Variants in DNTT observed in about 807,000 individuals in gnomAD.
The protein encoded by DNTT is DNA nucleotidylexotransferase.
A neutral mutation model predicts 60.9 loss-of-function variants in DNTT; 47 were observed. The observed-to-expected ratio is 0.77, with a 90% CI of 0.61 to 0.98. The LOEUF is 0.98. Among genes scored for constraint, DNTT ranks in the 50% least tolerant of loss-of-function variants. The pLI is 0.00. For synonymous variants in DNTT, 224 were observed against 221.2 expected (o/e 1.01, Z -0.11); for missense variants, 665 against 627.5 (o/e 1.06, Z -0.64).
intron 1 of DNTT, among the ~76,000 whole-genome samples, chr10:96,316,619 C>T (rs529079453): frequency 6.4e-4 from 97 of 152,334 alleles, no homozygotes; most frequent in Non-Finnish European, 1.2e-3. Context: ...CCATTCTCCT[C>T]CCTGTCCTTC....
intron 1 of DNTT, among the ~76,000 whole-genome samples, chr10:96,314,481 C>T (rs1844761688): frequency 7.7e-6 from 1 of 129,248 alleles, no homozygotes; most frequent in South Asian, 2.7e-4. Context: ...GGCACAATCT[C>T]AACTCACTGC....
intron 2 of DNTT, 137 bp downstream of exon 2, chr10:96,318,663 C>A: frequency 1.0e-6 from 1 of 1,000,634 alleles, no homozygotes; most frequent in Non-Finnish European, 1.4e-6. Context: ...CTTAGCTTTA[C>A]TGAGCTTCAG....
chr10:96,336,289 C>T (rs1845068278), intron 10 of DNTT, among the ~76,000 whole-genome samples: 1 of 152,184 alleles, frequency 6.6e-6, no homozygotes, highest in Non-Finnish European at 1.5e-5. Context: ...CCAAAGTAAA[C>T]CAGGGATCCC....
intron 1 of DNTT, among the ~76,000 whole-genome samples, chr10:96,308,189 C>G (rs1316012806): frequency 6.6e-6 from 1 of 152,132 alleles, no homozygotes. Context: ...TTTACTTGGG[C>G]CTGAACACAC....
chr10:96,321,840 T>C (rs1334511794), intron 4 of DNTT, among the ~76,000 whole-genome samples: 4 of 152,144 alleles, frequency 2.6e-5, no homozygotes, highest in Admixed American at 2.0e-4. Context: ...AACATATAAA[T>C]AGATACAGAC....
At chr10:96,331,674 T>C (rs188512923) in intron 8 of DNTT, among the ~76,000 whole-genome samples, 21 of 152,320 alleles carry the variant, frequency 1.4e-4, no homozygotes, top group East Asian at 9.6e-4. Context: ...ACCTCCAACA[T>C]TGGGGATCAA....
At chr10:96,333,515 G>A (rs1435559502) in intron 9 of DNTT, among the ~76,000 whole-genome samples, 4 of 152,234 alleles carry the variant, frequency 2.6e-5, no homozygotes, top group African/African-American at 4.8e-5. Context: ...CTGCACTCCC[G>A]TGTTCATTGC....
At chr10:96,330,744 G>T (rs1468879415) in intron 8 of DNTT, among the ~76,000 whole-genome samples, 1 of 152,106 alleles carries the variant, frequency 6.6e-6, no homozygotes, top group African/African-American at 2.4e-5. Flanking sequence ...TCAAAGTGTG[G>T]TCCCTGGTCC....
intron 1 of DNTT, 39 bp downstream of exon 1, chr10:96,304,739 G>C (rs1368365252): frequency 1.9e-6 from 3 of 1,596,002 alleles, no homozygotes; most frequent in African/African-American, 1.3e-5. Context: ...ATAAGCAGAG[G>C]CTTTGTGAAC....
At chr10:96,329,595 T>A (rs1327916883) in intron 8 of DNTT, among the ~76,000 whole-genome samples, 1 of 152,084 alleles carries the variant, frequency 6.6e-6, no homozygotes, top group Non-Finnish European at 1.5e-5. Flanking sequence ...CTTACTGATA[T>A]CCCAGAAAAG....
chr10:96,315,307 G>A lies in DNTT; in HGVS notation c.204-3045G>A, dbSNP rs114530742. ...ATTACAATTAAAGTTTCTAAATGCT[G>A]ACTTACAATTTCTGAACTTACCTTG... On this transcript the variant is annotated intron_variant, in intron 1 of 10. Transcript: ENST00000371174. 3.6e-3 allele frequency among the ~76,000 whole-genome samples: 547 copies of A among 151,414 alleles called. 7 individuals are homozygous for A. The highest frequency in any genetic ancestry group is 0.013 in the African/African-American group (523 of 41,220).
rs560927751 is a variant in DNTT, at chr10:96,307,779, T to TATATA, written c.203+3079_203+3080insATATA. 5.0e-5 allele frequency among the ~76,000 whole-genome samples: 7 copies of TATATA among 139,822 alleles called. 1 individual carries two copies. Among genetic ancestry groups the TATATA allele is most frequent in the Admixed American group, 1.4e-4 (2 of 14,132 alleles). 91.7% of individuals were successfully genotyped at this position (139,822 alleles called of 152,430 possible). Reference sequence around the variant, plus strand: ...TGTGCATATATATATATATATATATTTTTTTTTTTTGAGGCAGGGTCTTGT... The same window carrying TATATA: ...TGTGCATATATATATATATATATATTATATATTTTTTTTTTGAGGCAGGGTCTTGT... On this transcript the variant is annotated intron_variant, in intron 1 of 10. Transcript: ENST00000371174.
chr10:96,308,862 C>T (rs182587604), intron 1 of DNTT, among the ~76,000 whole-genome samples: 7 of 152,228 alleles, frequency 4.6e-5, no homozygotes, highest in Admixed American at 3.9e-4. Flanking sequence ...AAAATACATT[C>T]GTTAGGGTGA....
intron 8 of DNTT, among the ~76,000 whole-genome samples, chr10:96,331,269 A>C (rs1845003322): frequency 6.6e-6 from 1 of 152,184 alleles, no homozygotes; most frequent in Non-Finnish European, 1.5e-5. Context: ...GGCTGGTTAA[A>C]CCTGGTCATC....
chr10:96,316,922 G>C (rs886305818), intron 1 of DNTT, among the ~76,000 whole-genome samples: 1 of 152,090 alleles, frequency 6.6e-6, no homozygotes, highest in African/African-American at 2.4e-5. Context: ...AAGGAATCTA[G>C]GGTTGTGCAT....
At chr10:96,315,240 T>C (rs1844773947) in intron 1 of DNTT, among the ~76,000 whole-genome samples, 1 of 152,152 alleles carries the variant, frequency 6.6e-6, no homozygotes, top group Non-Finnish European at 1.5e-5. Flanking sequence ...GCTTCTTTTT[T>C]TTTTTTTTTA....
At position 96,338,560 on chromosome 10, in the gene DNTT, A is replaced by G. The variant is rs761287937; in HGVS notation, c.*336A>G. The G allele has an allele frequency of 1.7e-5, 3 of 178,178 alleles. No individual in the cohort carries two copies. Among genetic ancestry groups the G allele is most frequent in the Non-Finnish European group, 3.5e-5 (3 of 84,530 alleles). The allele number at this position is 178,178 out of a possible 1,614,324, so 11.0% of individuals were successfully genotyped here. A position where few individuals can be genotyped will look rare whatever the true frequency, so the allele number is the denominator to read the frequency against. On this transcript the variant is annotated 3_prime_UTR_variant, in exon 11 of 11. Coordinates refer to ENST00000371174, the MANE Select transcript of DNTT (RefSeq NM_004088.4). ...TCTATCTCTAATAAAAACAGGAGGA[A>G]ACAAGATGATGGAATCTGTTTTTCT...
intron 7 of DNTT, 130 bp downstream of exon 7, chr10:96,327,730 C>A: frequency 7.1e-7 from 1 of 1,408,252 alleles, no homozygotes; most frequent in South Asian, 1.4e-5. Flanking sequence ...TTATCTCCTG[C>A]CTCTCACATT....
intron 1 of DNTT, among the ~76,000 whole-genome samples, chr10:96,307,777 A>ATATATTTTTT (rs768634575): frequency 7.9e-6 from 1 of 126,020 alleles, no homozygotes; most frequent in African/African-American, 3.1e-5. Flanking sequence ...ATATATATAT[A>ATATATTTTTT]TTTTTTTTTT....
Sources: allele counts gnomAD v4.1 joint callset (sites outside exome capture counted in the v4.1 genomes callset), GRCh38; gene constraint gnomAD v4.1.1; transcripts MANE v1.5; gene names NCBI Gene and HGNC (gene_info 2026-07-23, HGNC 2026-07-21).